The following MFHAS1 variants were observed in gnomAD, a reference collection of about 807,000 sequenced individuals.
MFHAS1 encodes multifunctional ROCO family signaling regulator 1, also known as malignant fibrous histiocytoma-amplified sequence 1.
A neutral mutation model predicts 70.4 loss-of-function variants in MFHAS1; 50 were observed. That is an observed-to-expected ratio of 0.71 (90% CI 0.57 to 0.90). MFHAS1 has a LOEUF of 0.90. Ranked by LOEUF, MFHAS1 falls within the 40% of genes least tolerant of loss-of-function variation. MFHAS1 has a pLI of 0.00. For missense variants in MFHAS1, 1,795 were observed against 1,347.6 expected (o/e 1.33, Z -5.20); for synonymous variants, 952 against 620.0 (o/e 1.54, Z -7.96).
At chr8:8,790,373 A>G in intron 2 of MFHAS1, 1 of 985,208 alleles carries the variant, frequency 1.0e-6, no homozygotes, top group African/African-American at 1.7e-5. Flanking sequence ...AGTAAAAATG[A>G]TGGCATAAGG....
At chr8:8,818,371 G>T (rs1806823437) in intron 1 of MFHAS1, among the ~76,000 whole-genome samples, 1 of 152,152 alleles carries the variant, frequency 6.6e-6, no homozygotes, top group African/African-American at 2.4e-5. Context: ...CCTAGTTCCT[G>T]GTTCATGCAT....
chr8:8,847,496 A>T (rs1056552761), intron 1 of MFHAS1, among the ~76,000 whole-genome samples: 2 of 152,098 alleles, frequency 1.3e-5, no homozygotes, highest in Non-Finnish European at 2.9e-5. Context: ...ATATCTTAAG[A>T]AACAAAGAAG....
chr8:8,797,467 G>A lies in MFHAS1; in HGVS notation c.3023C>T (p.Pro1008Leu), dbSNP rs1217253525. The change falls in exon 2 of 3, where the codon CCG becomes CTG. Residue 1008 changes from proline (P) to leucine (L), a missense_variant. Physicochemically the swap from Pro to Leu is moderately conservative, Grantham distance 98. Coordinates refer to ENST00000276282, the MANE Select transcript of MFHAS1 (RefSeq NM_004225.3). Reference protein sequence around the residue: ...FPGELLSQPRPEGVAEIICPK... With the variant: ...FPGELLSQPRLEGVAEIICPK... ...GCAAATGATCTCTGCCACTCCTTCCGGTCTGGGCTGACTCAGCAACTCCCC... is the reference window on the plus strand; with the variant it reads ...GCAAATGATCTCTGCCACTCCTTCCAGTCTGGGCTGACTCAGCAACTCCCC... The A allele has an allele frequency of 4.3e-6, 7 of 1,613,878 alleles. No individual in the cohort carries two copies. The highest frequency in any genetic ancestry group is 4.5e-5 in the East Asian group (2 of 44,890).
chr8:8,813,533 G>C (rs1806628693), intron 1 of MFHAS1, among the ~76,000 whole-genome samples: 1 of 152,076 alleles, frequency 6.6e-6, no homozygotes, highest in Non-Finnish European at 1.5e-5. Context: ...GTGTAGGCCT[G>C]AGCCAATGTG....
In MFHAS1 at chr8:8,784,008, T is replaced by C. The variant is rs1399911247; in HGVS notation, c.*2014A>G. 6.6e-6 allele frequency: 1 copy of C among 152,128 alleles called. No individual in the cohort carries two copies. The highest frequency in any genetic ancestry group is 2.4e-5 in the African/African-American group (1 of 41,410). 9.4% of individuals were successfully genotyped at this position (152,128 alleles called of 1,614,324 possible). On this transcript the variant is annotated 3_prime_UTR_variant, in exon 3 of 3. Transcript: ENST00000276282. ...TTCAGATGACAGCATAAAACATCAC[T>C]GGTCAAAAATATTAGATATTAAGAA...
intron 1 of MFHAS1, among the ~76,000 whole-genome samples, chr8:8,845,508 G>A (rs1228386155): frequency 6.6e-6 from 1 of 152,202 alleles, no homozygotes; most frequent in Admixed American, 6.5e-5. Context: ...GGTTCTCAAT[G>A]AGACACTTAT....
intron 1 of MFHAS1, among the ~76,000 whole-genome samples, chr8:8,812,354 G>A (rs1332598138): frequency 1.3e-5 from 2 of 152,166 alleles, no homozygotes; most frequent in Non-Finnish European, 2.9e-5. Context: ...ACTTACACGG[G>A]CTGGTCAGTA....
intron 1 of MFHAS1, among the ~76,000 whole-genome samples, chr8:8,848,755 G>A (rs931443311): frequency 3.9e-5 from 6 of 152,152 alleles, no homozygotes; most frequent in Admixed American, 3.3e-4. Context: ...GAAAAACACA[G>A]ACTGCTATGG....
chr8:8,849,360 T>G (rs1177631284), intron 1 of MFHAS1, among the ~76,000 whole-genome samples: 1 of 152,124 alleles, frequency 6.6e-6, no homozygotes, highest in Admixed American at 6.5e-5. Flanking sequence ...GGATTACAAG[T>G]GTGAGCCACC....
At chr8:8,795,324 A>G (rs1254672640) in intron 2 of MFHAS1, among the ~76,000 whole-genome samples, 1 of 152,242 alleles carries the variant, frequency 6.6e-6, no homozygotes, top group African/African-American at 2.4e-5. Context: ...AAGAGAAACA[A>G]TAAAATTTCC....
chr8:8,816,682 C>G (rs971411771), intron 1 of MFHAS1, among the ~76,000 whole-genome samples: 3 of 152,100 alleles, frequency 2.0e-5, no homozygotes, highest in Non-Finnish European at 4.4e-5. Flanking sequence ...ATTAATAATA[C>G]TAGATGCTAT....
intron 2 of MFHAS1, among the ~76,000 whole-genome samples, chr8:8,788,942 G>A (rs1805639215): frequency 6.6e-6 from 1 of 152,190 alleles, no homozygotes; most frequent in South Asian, 2.1e-4. Context: ...GGCCTTGTGA[G>A]CCACGGCCAG....
chr8:8,839,114 A>G (rs1164988807), intron 1 of MFHAS1, among the ~76,000 whole-genome samples: 1 of 152,162 alleles, frequency 6.6e-6, no homozygotes, highest in African/African-American at 2.4e-5. Context: ...TGCAGGAACT[A>G]TCTATTCTGG....
intron 1 of MFHAS1, among the ~76,000 whole-genome samples, chr8:8,888,627 A>T (rs2116944785): frequency 6.6e-6 from 1 of 152,356 alleles, no homozygotes; most frequent in East Asian, 1.9e-4. Context: ...AACCAGGCTC[A>T]AAAGAAAAAA....
In MFHAS1 at chr8:8,891,136, C is replaced by T; in HGVS notation, c.1923G>A (p.Lys641=). Residue 641 remains lysine (K), a synonymous_variant, in exon 1 of 3, where the codon AAG becomes AAA. Transcript: ENST00000276282. This position sits in a 1 kb window ranked among gnomAD's most constrained non-coding sequence, Gnocchi z 5.4. ...CTCGGTGCTCAGCAACTGACAGCAA[C>T]TTGTCCCGAAGGCGTCGTAAGTGGC... ...DPRHLRRLRD[K]LLSVAEHREI... The T allele has an allele frequency of 6.2e-7, 1 of 1,613,820 alleles. No homozygotes were observed. The highest frequency in any genetic ancestry group is 8.5e-7 in the Non-Finnish European group (1 of 1,180,032).
chr8:8,807,566 G>T (rs1404028311), intron 1 of MFHAS1, among the ~76,000 whole-genome samples: 1 of 152,074 alleles, frequency 6.6e-6, no homozygotes, highest in Non-Finnish European at 1.5e-5. Flanking sequence ...CCTTTCATCA[G>T]TTGATTTTCA....
chr8:8,886,162 C>T (rs963031240), intron 1 of MFHAS1, among the ~76,000 whole-genome samples: 1 of 151,632 alleles, frequency 6.6e-6, no homozygotes, highest in African/African-American at 2.4e-5. Context: ...CTAGTGATTG[C>T]TGGATGTGCA....
At chr8:8,862,752 T>A (rs1808713894) in intron 1 of MFHAS1, among the ~76,000 whole-genome samples, 1 of 152,174 alleles carries the variant, frequency 6.6e-6, no homozygotes, top group Non-Finnish European at 1.5e-5. Context: ...TCAATGTAGG[T>A]TCATCGATTG....
Position 8,870,290 on chromosome 8 carries a change from CAAAAAAA to C in MFHAS1, c.2998+19764_2998+19770del, listed in dbSNP as rs61229252. The stretch of plus-strand genomic sequence containing the variant: ...GCAACATAGTGAGACCCTGTCTCTA[CAAAAAAA>C]AAAAAAAAAAAAAAAAAATTAGCCA... On this transcript the variant is annotated intron_variant, in intron 1 of 2. Coordinates refer to ENST00000276282, the MANE Select transcript of MFHAS1 (RefSeq NM_004225.3). 2.2e-3 allele frequency among the ~76,000 whole-genome samples: 251 copies of C among 113,108 alleles called. 1 individual carries two copies. Among genetic ancestry groups the C allele is most frequent in the South Asian group, 8.1e-3 (32 of 3,946 alleles). 74.2% of individuals were successfully genotyped at this position (113,108 alleles called of 152,430 possible).
Sources: gnomAD v4.1 joint callset for allele counts (sites outside exome capture counted in the v4.1 genomes callset) on GRCh38, gnomAD v4.1.1 for gene constraint, Gnocchi (gnomAD v3.1) non-coding constraint, MANE v1.5 for transcripts, NCBI Gene and HGNC (gene_info 2026-07-23, HGNC 2026-07-21) for gene names.